The following ADAD1 variants were observed in gnomAD, a reference collection of about 807,000 sequenced individuals.
ADAD1 encodes adenosine deaminase domain-containing protein 1.
Under a neutral mutation model 66.8 loss-of-function variants are expected in ADAD1, and 46 were observed. The observed-to-expected ratio is 0.69, with a 90% CI of 0.54 to 0.88. The LOEUF (loss-of-function observed/expected upper bound fraction) is 0.88, where lower values mean the gene tolerates loss of function less well. Ranked by LOEUF, ADAD1 falls within the 40% of genes least tolerant of loss-of-function variation. The pLI, the probability that ADAD1 is intolerant of heterozygous loss-of-function variation, is 0.00. For synonymous variants in ADAD1, 248 were observed against 229.4 expected, an observed-to-expected ratio of 1.08 and a Z score of -0.73; for missense variants, 617 against 681.8, an observed-to-expected ratio of 0.91 and a Z score of 1.06.
intron 7 of ADAD1, among the ~76,000 whole-genome samples, chr4:122,406,367 G>T (rs926981670): frequency 3.3e-5 from 5 of 152,076 alleles, no homozygotes; most frequent in African/African-American, 4.8e-5. Flanking sequence ...TTCTATAAAA[G>T]AAAATGTCTG....
chr4:122,416,577 A>G (rs1031592273), intron 11 of ADAD1, among the ~76,000 whole-genome samples: 1 of 152,058 alleles, frequency 6.6e-6, no homozygotes, highest in African/African-American at 2.4e-5. Flanking sequence ...ATAAAAAATA[A>G]AAAGTATTAA....
At chr4:122,404,979 C>T (rs1269684898) in intron 7 of ADAD1, among the ~76,000 whole-genome samples, 1 of 152,102 alleles carries the variant, frequency 6.6e-6, no homozygotes, top group African/African-American at 2.4e-5. Context: ...CAAGTATCTC[C>T]CTGAAGCATT....
chr4:122,429,356 G>A (rs1210474537), intron 12 of ADAD1, among the ~76,000 whole-genome samples: 1 of 151,612 alleles, frequency 6.6e-6, no homozygotes, highest in Admixed American at 6.6e-5. Context: ...GATGGCTTGA[G>A]CCCAGGAATT....
chr4:122,384,005 CA>C, intron 5 of ADAD1, 39 bp downstream of exon 5: 1 of 1,497,316 alleles, frequency 6.7e-7, no homozygotes, highest in South Asian at 1.4e-5. Flanking sequence ...TAAGAGGTAT[CA>C]TTTTTCAAAA....
chr4:122,409,880 A>G (rs1345866999), intron 8 of ADAD1, among the ~76,000 whole-genome samples: 1 of 151,906 alleles, frequency 6.6e-6, no homozygotes, highest in Non-Finnish European at 1.5e-5. Flanking sequence ...TTGTATCTTT[A>G]GTAGAGAATG....
At chr4:122,419,024 C>A (rs1009546407) in intron 11 of ADAD1, among the ~76,000 whole-genome samples, 1 of 152,206 alleles carries the variant, frequency 6.6e-6, no homozygotes, top group East Asian at 1.9e-4. Flanking sequence ...AATCCCATTA[C>A]TGGGTATATA....
chr4:122,418,933 G>C (rs1383900046), intron 11 of ADAD1, among the ~76,000 whole-genome samples: 1 of 152,190 alleles, frequency 6.6e-6, no homozygotes, highest in African/African-American at 2.4e-5. Context: ...ATTGGTGGAA[G>C]TGTAAATTAG....
At chr4:122,396,593 A>G (rs570778243) in intron 7 of ADAD1, among the ~76,000 whole-genome samples, 1 of 152,332 alleles carries the variant, frequency 6.6e-6, no homozygotes, top group East Asian at 1.9e-4. Context: ...AAGTCCTAAC[A>G]TTTTAAACCT....
intron 12 of ADAD1, among the ~76,000 whole-genome samples, chr4:122,427,616 C>T (rs1276813765): frequency 7.4e-6 from 1 of 134,240 alleles, no homozygotes; most frequent in African/African-American, 2.7e-5. Flanking sequence ...CTCACTGCAA[C>T]CTCTGCCTTC....
Position 122,379,048 on chromosome 4 carries a change from C to T in ADAD1, c.-150C>T, listed in dbSNP as rs1017825590. On this transcript the variant is annotated 5_prime_UTR_variant, in exon 1 of 13. Coordinates refer to ENST00000296513, the MANE Select transcript of ADAD1 (RefSeq NM_139243.4). ...GCCACAGTGGAGGCCAAGCCTTCCC[C>T]ATGGGCACCTTCTCAGATTGCGATT... 1.3e-5 allele frequency: 2 copies of T among 152,338 alleles called. No homozygotes were observed. The highest frequency in any genetic ancestry group is 2.9e-5 in the Non-Finnish European group (2 of 68,050). 9.4% of individuals were successfully genotyped at this position (152,338 alleles called of 1,614,324 possible).
intron 11 of ADAD1, among the ~76,000 whole-genome samples, 155 bp downstream of exon 11, chr4:122,415,771 C>T (rs1254708835): frequency 2.0e-5 from 3 of 152,000 alleles, no homozygotes; most frequent in Non-Finnish European, 2.9e-5. Flanking sequence ...AGGCATTGTA[C>T]TAATTTTAAA....
rs1432554202 is a variant in ADAD1, at chr4:122,380,361, G to A, written c.172+120G>A. Reference sequence around the variant, plus strand: ...GTTGTATAGACATTTACCCGTGGCCGTGTACCTGGAGCTGGCATCTGACTC... The same window carrying A: ...GTTGTATAGACATTTACCCGTGGCCATGTACCTGGAGCTGGCATCTGACTC... On this transcript the variant is annotated intron_variant, in intron 3 of 12. Coordinates refer to ENST00000296513, the MANE Select transcript of ADAD1 (RefSeq NM_139243.4). 1.1e-5 allele frequency: 13 copies of A among 1,205,416 alleles called. 1 individual carries two copies. In the South Asian group the frequency reaches 1.3e-4, roughly 12 times the overall value. 74.7% of individuals were successfully genotyped at this position (1,205,416 alleles called of 1,614,324 possible). A position where few individuals can be genotyped will look rare whatever the true frequency, so the allele number is the denominator to read the frequency against.
intron 4 of ADAD1, among the ~76,000 whole-genome samples, chr4:122,381,824 A>G (rs1452285778): frequency 6.6e-6 from 1 of 152,194 alleles, no homozygotes; most frequent in Non-Finnish European, 1.5e-5. Flanking sequence ...TTAAAATTTT[A>G]AATTTTAAAA....
chr4:122,408,044 A>G lies in ADAD1; in HGVS notation c.848+13A>G, dbSNP rs570408145. 5 of 1,607,936 alleles carry G rather than the reference A, an allele frequency of 3.1e-6. No homozygotes were observed. Among genetic ancestry groups the G allele is most frequent in the East Asian group, 2.2e-5 (1 of 44,682 alleles). ...GGTCTCTTCTTAGGTAAGACAATAC[A>G]TATATTAATGTTATTAAATATGAAT... is the stretch of plus-strand genomic sequence containing the variant. On this transcript the variant is annotated intron_variant, in intron 8 of 12. Transcript: ENST00000296513.
Position 122,429,715 on chromosome 4 carries a change from C to A in ADAD1, c.1707C>A (p.Pro569=). The A allele has an allele frequency of 6.2e-7, 1 of 1,609,384 alleles. No individual in the cohort carries two copies. The highest frequency in any genetic ancestry group is 1.1e-5 in the South Asian group (1 of 90,436). The change falls in exon 13 of 13, where the codon CCC becomes CCA. Residue 569 remains proline (P), a synonymous_variant. Transcript: ENST00000296513. ...ATGGATCCTGGATTGTGAAATCTCC[C>A]TGCATAGAGCAATTTAACATGTGAA... is the stretch of plus-strand genomic sequence containing the variant. ...HGYGSWIVKS[P]CIEQFNM
chr4:122,418,791 A>C (rs1323626380), intron 11 of ADAD1, among the ~76,000 whole-genome samples: 1 of 152,224 alleles, frequency 6.6e-6, no homozygotes, highest in Non-Finnish European at 1.5e-5. Context: ...ATAATACTTA[A>C]ATCTGATTTT....
At chr4:122,394,660 G>A (rs1474049269) in intron 6 of ADAD1, among the ~76,000 whole-genome samples, 4 of 152,202 alleles carry the variant, frequency 2.6e-5, no homozygotes, top group Non-Finnish European at 5.9e-5. Flanking sequence ...AGAGGGCAAT[G>A]AGGGATCAGT....
In ADAD1 at chr4:122,411,238, C is replaced by G; in HGVS notation, c.865C>G (p.Leu289Val). 1 of 1,601,174 alleles carries G rather than the reference C, an allele frequency of 6.2e-7. No homozygotes were observed. The highest frequency in any genetic ancestry group is 8.5e-7 in the Non-Finnish European group (1 of 1,176,474). The change falls in exon 9 of 13, where the codon CTT (leucine) becomes GTT (valine). Residue 289 changes from leucine (L) to valine (V), a missense_variant. Transcript: ENST00000296513. ...RSLLRYFYRQLLLFYSKNPAM... is the reference protein window; with the variant it reads ...RSLLRYFYRQVLLFYSKNPAM... ...TTATTTTAGGTACTTTTATAGACAACTTCTGCTCTTCTACAGCAAAAATCC... is the reference window on the plus strand; with the variant it reads ...TTATTTTAGGTACTTTTATAGACAAGTTCTGCTCTTCTACAGCAAAAATCC...
chr4:122,413,244 AT>A (rs895818595), intron 10 of ADAD1, among the ~76,000 whole-genome samples: 7 of 152,150 alleles, frequency 4.6e-5, no homozygotes, highest in African/African-American at 1.7e-4. Context: ...CCCCAACATT[AT>A]TTTAAAGCAT....
Sources: gnomAD v4.1 joint callset for allele counts (sites outside exome capture counted in the v4.1 genomes callset) on GRCh38, gnomAD v4.1.1 for gene constraint, MANE v1.5 for transcripts, NCBI Gene and HGNC (gene_info 2026-07-23, HGNC 2026-07-21) for gene names.